SPIDR: variants seen among roughly 807,000 people sequenced by gnomAD.
The protein encoded by SPIDR is DNA repair-scaffolding protein.
A neutral mutation model predicts 104.6 loss-of-function variants in SPIDR; 93 were observed. That is an observed-to-expected ratio of 0.89 (90% CI 0.75 to 1.06). SPIDR has a LOEUF of 1.06. Among genes scored for constraint, SPIDR ranks in the 50% least tolerant of loss-of-function variants. SPIDR has a pLI of 0.00. For missense variants in SPIDR, 1,154 were observed against 1,111.2 expected, an observed-to-expected ratio of 1.04 and a Z score of -0.55; for synonymous variants, 431 against 416.9, an observed-to-expected ratio of 1.03 and a Z score of -0.41.
At chr8:47,625,559 G>T (rs1249254187) in intron 10 of SPIDR, among the ~76,000 whole-genome samples, 3 of 152,144 alleles carry the variant, frequency 2.0e-5, no homozygotes, top group Admixed American at 6.5e-5. Context: ...CAAAATCAAT[G>T]TGCAAAAATC....
At chr8:47,285,233 C>T (rs1277893814) in intron 3 of SPIDR, among the ~76,000 whole-genome samples, 9 of 152,276 alleles carry the variant, frequency 5.9e-5, no homozygotes, top group Non-Finnish European at 1.3e-4. Context: ...GAACTAACTT[C>T]CTGTGACATT....
intron 11 of SPIDR, among the ~76,000 whole-genome samples, chr8:47,691,164 C>T (rs1047214034): frequency 3.3e-5 from 5 of 151,466 alleles, no homozygotes; most frequent in African/African-American, 9.7e-5. Context: ...TGGTGGTGCA[C>T]GCCTGTAATC....
At chr8:47,313,395 G>A (rs371786801) in intron 5 of SPIDR, among the ~76,000 whole-genome samples, 7 of 152,062 alleles carry the variant, frequency 4.6e-5, no homozygotes, top group Admixed American at 3.9e-4. Context: ...ACAAACCACT[G>A]CTCAATGAAA....
intron 14 of SPIDR, among the ~76,000 whole-genome samples, chr8:47,709,786 C>T (rs534893426): frequency 3.7e-4 from 56 of 152,184 alleles, no homozygotes; most frequent in African/African-American, 1.3e-3. Flanking sequence ...CTGGCCAAAT[C>T]CAGAGTATTT....
chr8:47,629,327 A>G (rs2066691001), intron 10 of SPIDR, among the ~76,000 whole-genome samples: 2 of 152,216 alleles, frequency 1.3e-5, no homozygotes, highest in African/African-American at 4.8e-5. Flanking sequence ...TATACATAGC[A>G]GGTATTGGCA....
intron 8 of SPIDR, among the ~76,000 whole-genome samples, chr8:47,574,093 A>G (rs958414564): frequency 1.3e-5 from 2 of 152,190 alleles, no homozygotes; most frequent in African/African-American, 2.4e-5. Context: ...GCTTGCCTCT[A>G]TGTGGTAATA....
intron 6 of SPIDR, among the ~76,000 whole-genome samples, chr8:47,396,938 G>A (rs1320074937): frequency 2.0e-5 from 3 of 152,156 alleles, no homozygotes; most frequent in African/African-American, 7.2e-5. Context: ...GGAAGTATGT[G>A]TAAATCGTGT....
Position 47,582,860 on chromosome 8 carries a change from A to T in SPIDR, c.1098-12951A>T, listed in dbSNP as rs528352420. On this transcript the variant is annotated intron_variant, in intron 8 of 19. Coordinates refer to ENST00000297423, the MANE Select transcript of SPIDR (RefSeq NM_001080394.4). ...CACACACACACACACACACACACACACACACACACATATTTTTAAAAGCTT... is the reference window on the plus strand; with the variant it reads ...CACACACACACACACACACACACACTCACACACACATATTTTTAAAAGCTT... 5.8e-4 allele frequency among the ~76,000 whole-genome samples: 84 copies of T among 144,292 alleles called. 1 individual carries two copies. The Middle Eastern group carries it at 0.011, about 19-fold the overall frequency. The allele number at this position is 144,292 out of a possible 152,430, so 94.7% of individuals were successfully genotyped here.
At chr8:47,277,854 T>C (rs2036868610) in intron 1 of SPIDR, among the ~76,000 whole-genome samples, 1 of 151,866 alleles carries the variant, frequency 6.6e-6, no homozygotes, top group Non-Finnish European at 1.5e-5. Flanking sequence ...TTTTGCATTT[T>C]TGGTAGAGAT....
At chr8:47,447,983 G>C (rs2071002199) in intron 8 of SPIDR, among the ~76,000 whole-genome samples, 1 of 152,092 alleles carries the variant, frequency 6.6e-6, no homozygotes, top group African/African-American at 2.4e-5. Flanking sequence ...ATATGCAATG[G>C]GAAACAAAAA....
intron 8 of SPIDR, chr8:47,592,737 CA>C (rs2061188522): frequency 5.8e-6 from 3 of 516,706 alleles, no homozygotes; most frequent in Non-Finnish European, 1.1e-5. Flanking sequence ...CATTTAGAAC[CA>C]CCTCAGACAA....
chr8:47,673,817 C>T lies in SPIDR; in HGVS notation c.1561C>T (p.Gln521Ter), dbSNP rs1043064186. ...TTTTTACAGAGCCTGCCTTCTGGTA[C>T]AAGATGCCTGTGGAATGTTCGGTGA... The part of the protein sequence containing the change: ...PAGTRACLLV[Q>*]DACGMFGEVH... The change falls in exon 11 of 20, where the codon CAA (glutamine) becomes TAA (stop). Residue 521 changes from glutamine to a stop codon, truncating the protein, a stop_gained. Coordinates refer to ENST00000297423, the MANE Select transcript of SPIDR (RefSeq NM_001080394.4). LOFTEE classifies it high-confidence loss of function. 5.0e-6 allele frequency: 8 copies of T among 1,613,970 alleles called. No individual in the cohort carries two copies. In the Admixed American group the frequency reaches 5.0e-5, roughly 10 times the overall value.
At chr8:47,702,160 T>TAATC (rs2080375721) in intron 14 of SPIDR, 145 bp downstream of exon 14, 1 of 1,003,092 alleles carries the variant, frequency 1.0e-6, no homozygotes, top group Non-Finnish European at 1.5e-6. Context: ...TATTAAAGGG[T>TAATC]AATCTCCTTT....
At chr8:47,264,771 T>G (rs2033521961) in intron 1 of SPIDR, among the ~76,000 whole-genome samples, 1 of 152,042 alleles carries the variant, frequency 6.6e-6, no homozygotes, top group Non-Finnish European at 1.5e-5. Flanking sequence ...TGAGTTGTCG[T>G]TTCTTTATAA....
intron 14 of SPIDR, among the ~76,000 whole-genome samples, chr8:47,705,585 A>G (rs1200402335): frequency 6.6e-6 from 1 of 152,154 alleles, no homozygotes; most frequent in African/African-American, 2.4e-5. Flanking sequence ...TGGCACCATG[A>G]GTCATTGCTG....
At chr8:47,589,379 G>A (rs551299733) in intron 8 of SPIDR, among the ~76,000 whole-genome samples, 33 of 151,888 alleles carry the variant, frequency 2.2e-4, no homozygotes, top group African/African-American at 7.0e-4. Flanking sequence ...AAAATTTGCC[G>A]GGCATGGTGG....
At chr8:47,696,963 G>A (rs1261615467) in intron 11 of SPIDR, among the ~76,000 whole-genome samples, 1 of 152,126 alleles carries the variant, frequency 6.6e-6, no homozygotes, top group African/African-American at 2.4e-5. Flanking sequence ...AGCCCTGGAG[G>A]ACGTGAGTTG....
intron 8 of SPIDR, chr8:47,546,902 C>T: frequency 2.3e-6 from 1 of 443,184 alleles, no homozygotes; most frequent in Non-Finnish European, 4.3e-6. Context: ...GGTTTGTTGC[C>T]CTTGCCAGTA....
At chr8:47,711,354 A>C (rs2081861691) in intron 14 of SPIDR, among the ~76,000 whole-genome samples, 1 of 151,954 alleles carries the variant, frequency 6.6e-6, no homozygotes. Flanking sequence ...TTTTAGTTTT[A>C]GTTTTTCAGA....
Sources: gnomAD v4.1 joint callset for allele counts (sites outside exome capture counted in the v4.1 genomes callset) on GRCh38, gnomAD v4.1.1 for gene constraint, MANE v1.5 for transcripts, NCBI Gene and HGNC (gene_info 2026-07-23, HGNC 2026-07-21) for gene names.